The following OPHN1 variants were observed in gnomAD, a reference collection of about 807,000 sequenced individuals.
OPHN1 encodes oligophrenin 1, also known as oligophrenin-1.
A neutral mutation model predicts 60.7 loss-of-function variants in OPHN1; 11 were observed. The ratio of observed to expected loss-of-function variants is 0.18; its 90% CI spans 0.11 to 0.30. OPHN1 has a LOEUF of 0.30. Ranked by LOEUF, OPHN1 falls within the 10% of genes least tolerant of loss-of-function variation. The probability of loss-of-function intolerance (pLI) is 1.00; values close to 1 mark genes in which losing one functional copy is unlikely to be tolerated. For missense variants in OPHN1, 449 were observed against 611.0 expected (o/e 0.73, Z 2.80); for synonymous variants, 226 against 222.6 (o/e 1.02, Z -0.14).
At position 68,046,987 on chromosome X, in the gene OPHN1, T is replaced by G. The variant is rs2076834487; in HGVS notation, c.*185A>C. The G allele has an allele frequency of 1.8e-5, 2 of 111,623 alleles. No individual in the cohort carries two copies. The highest frequency in any genetic ancestry group is 3.8e-4 in the South Asian group (1 of 2,604). 9.2% of individuals were successfully genotyped at this position (111,623 alleles called of 1,213,427 possible). ...ATGAAGACAGAATACAAAGGAGATA[T>G]AAACACCTGTCTAGGACATATGCTC... On this transcript the variant is annotated 3_prime_UTR_variant, in exon 25 of 25. Coordinates refer to ENST00000355520, the MANE Select transcript of OPHN1 (RefSeq NM_002547.3).
chrX:68,277,682 T>G (rs1200767407), intron 4 of OPHN1, among the ~76,000 whole-genome samples: 1 of 111,066 alleles, frequency 9.0e-6, no homozygotes, highest in Admixed American at 9.6e-5. Flanking sequence ...TCCCAGCTAC[T>G]CGGGAGGCTG....
Position 68,053,625 on chromosome X carries a change from T to G in OPHN1, c.2324+20A>C, listed in dbSNP as rs771217604. 8 of 1,206,798 alleles carry G rather than the reference T, an allele frequency of 6.6e-6. No individual in the cohort carries two copies. The highest frequency in any genetic ancestry group is 1.8e-5 in the African/African-American group (1 of 57,134). ...CCTAGTACAGGACTTCAGTCAACTT[T>G]GAGGTACAACCCTACTTACACAGAT... On this transcript the variant is annotated intron_variant, in intron 22 of 24. Coordinates refer to ENST00000355520, the MANE Select transcript of OPHN1 (RefSeq NM_002547.3).
At chrX:68,406,977 G>A (rs780278518) in intron 2 of OPHN1, among the ~76,000 whole-genome samples, 19 of 112,480 alleles carry the variant, frequency 1.7e-4, no homozygotes, top group Non-Finnish European at 2.6e-4. Context: ...GACAAGGCGA[G>A]TGAATCACCT....
chrX:68,374,797 A>C (rs1315418955), intron 2 of OPHN1, among the ~76,000 whole-genome samples: 1 of 112,504 alleles, frequency 8.9e-6, no homozygotes, highest in African/African-American at 3.2e-5. Flanking sequence ...AACAAATTAC[A>C]TTAGTAGGCA....
intron 3 of OPHN1, among the ~76,000 whole-genome samples, chrX:68,298,124 A>T (rs1253873456): frequency 9.0e-6 from 1 of 111,500 alleles, no homozygotes; most frequent in Non-Finnish European, 1.9e-5. Context: ...TCTTTGGTTC[A>T]GTGTTCTCAT....
intron 15 of OPHN1, among the ~76,000 whole-genome samples, chrX:68,134,493 C>T (rs2077211046): frequency 9.0e-6 from 1 of 111,588 alleles, no homozygotes; most frequent in Non-Finnish European, 1.9e-5. Context: ...TCTGCCTAAG[C>T]GTGTTAGAAA....
intron 2 of OPHN1, among the ~76,000 whole-genome samples, chrX:68,406,089 A>G (rs2078741686): frequency 9.2e-6 from 1 of 109,035 alleles, no homozygotes; most frequent in Non-Finnish European, 1.9e-5. Context: ...CAGAGGCTGC[A>G]GTAAGCTGAG....
chrX:68,351,179 G>A (rs949596997), intron 2 of OPHN1, among the ~76,000 whole-genome samples: 10 of 110,896 alleles, frequency 9.0e-5, no homozygotes, highest in East Asian at 2.8e-4. Flanking sequence ...CACCCACCTC[G>A]GCCTCCCAAA....
chrX:68,350,232 C>G (rs899745460), intron 2 of OPHN1, among the ~76,000 whole-genome samples: 3 of 111,005 alleles, frequency 2.7e-5, no homozygotes, highest in Non-Finnish European at 5.7e-5. Flanking sequence ...ATATGTACAT[C>G]TATTATGTAT....
chrX:68,384,701 G>A (rs1028478022), intron 2 of OPHN1, among the ~76,000 whole-genome samples: 1 of 105,166 alleles, frequency 9.5e-6, no homozygotes, highest in Non-Finnish European at 1.9e-5. Context: ...CAGCCTGGGC[G>A]ACAGAGGGAG....
chrX:68,226,809 G>T (rs1362848385), intron 6 of OPHN1, among the ~76,000 whole-genome samples: 1 of 111,813 alleles, frequency 8.9e-6, no homozygotes, highest in Non-Finnish European at 1.9e-5. Flanking sequence ...AGGCTAGGAA[G>T]AAACTGCATC....
chrX:68,123,962 A>AG (rs1160295814), intron 15 of OPHN1, among the ~76,000 whole-genome samples: 2 of 110,235 alleles, frequency 1.8e-5, no homozygotes, highest in African/African-American at 6.6e-5. Flanking sequence ...GATAAAAAAA[A>AG]ATAGATCAAA....
intron 17 of OPHN1, 86 bp downstream of exon 17, chrX:68,113,095 C>CT: frequency 1.3e-6 from 1 of 797,511 alleles, no homozygotes; most frequent in Middle Eastern, 3.3e-4. Flanking sequence ...CCCTCAATCA[C>CT]TTCCCCTCAA....
At chrX:68,091,696 C>T (rs942617532) in intron 19 of OPHN1, among the ~76,000 whole-genome samples, 5 of 111,054 alleles carry the variant, frequency 4.5e-5, no homozygotes, top group Non-Finnish European at 9.5e-5. Flanking sequence ...TGCTAAGAAC[C>T]GCCTTCAGAG....
chrX:68,087,611 G>C (rs2077000372), intron 19 of OPHN1, among the ~76,000 whole-genome samples: 1 of 111,908 alleles, frequency 8.9e-6, no homozygotes, highest in Non-Finnish European at 1.9e-5. Flanking sequence ...GGAAATCTTG[G>C]CAGAAATGAG....
chrX:68,262,706 G>A (rs926040898), intron 5 of OPHN1, among the ~76,000 whole-genome samples: 1 of 112,135 alleles, frequency 8.9e-6, no homozygotes, highest in African/African-American at 3.2e-5. Flanking sequence ...AGAAGCGCTT[G>A]AACCCGGGAG....
At chrX:68,171,034 G>A (rs1272611644) in intron 15 of OPHN1, among the ~76,000 whole-genome samples, 1 of 111,198 alleles carries the variant, frequency 9.0e-6, no homozygotes, top group African/African-American at 3.3e-5. Flanking sequence ...TGGTTAGAAA[G>A]AATGAACAGA....
intron 11 of OPHN1, among the ~76,000 whole-genome samples, chrX:68,200,474 C>T (rs1193574417): frequency 9.0e-6 from 1 of 111,266 alleles, no homozygotes; most frequent in Non-Finnish European, 1.9e-5. Context: ...AAAGGGAAGC[C>T]ACAGCCAACA....
chrX:68,345,416 C>T (rs1227069857), intron 2 of OPHN1, among the ~76,000 whole-genome samples: 1 of 111,608 alleles, frequency 9.0e-6, no homozygotes, highest in Non-Finnish European at 1.9e-5. Flanking sequence ...CTCAAAATAC[C>T]AAAACAAAAA....
Sources: allele counts gnomAD v4.1 joint callset (sites outside exome capture counted in the v4.1 genomes callset), GRCh38; gene constraint gnomAD v4.1.1; transcripts MANE v1.5; gene names NCBI Gene and HGNC (gene_info 2026-07-23, HGNC 2026-07-21).